Variants in SRRM2 observed in about 807,000 individuals in gnomAD.
SRRM2 encodes the protein serine/arginine repetitive matrix protein 2.
Under a neutral mutation model 213.8 loss-of-function variants are expected in SRRM2, and 30 were observed. The ratio of observed to expected loss-of-function variants is 0.14; its 90% CI spans 0.10 to 0.19. The LOEUF (loss-of-function observed/expected upper bound fraction) is 0.19. Among genes scored for constraint, SRRM2 ranks in the 10% least tolerant of loss-of-function variants. The pLI is 1.00. For synonymous variants in SRRM2, 2,025 were observed against 1,377.7 expected, an observed-to-expected ratio of 1.47 and a Z score of -10.40; for missense variants, 4,904 against 3,647.0, an observed-to-expected ratio of 1.34 and a Z score of -8.88.
rs1180883559 is a variant in SRRM2 at position 2,767,059 on chromosome 16, T to G, written c.6531T>G (p.Ala2177=). 4 of 1,614,122 alleles carry G rather than the reference T, an allele frequency of 2.5e-6. No homozygotes were observed. The highest frequency in any genetic ancestry group is 3.4e-6 in the Non-Finnish European group (4 of 1,180,020). The change falls in exon 11 of 15, where the codon GCT becomes GCG. Residue 2177 remains alanine (A), a synonymous_variant. Transcript: ENST00000301740. ...GAACATCTGTGCCAGAAAATCATGCTCAGTCCAGGATTGCACTTGCCCTGA... is the reference window on the plus strand; with the variant it reads ...GAACATCTGTGCCAGAAAATCATGCGCAGTCCAGGATTGCACTTGCCCTGA... The part of the protein sequence containing the change: ...HQRTSVPENH[A]QSRIALALTA...
rs763924829 is a variant in SRRM2, at chr16:2,767,081, C to T, written c.6553C>T (p.Leu2185=). The change falls in exon 11 of 15, where the codon CTG becomes TTG. Residue 2185 remains leucine (L), a synonymous_variant. Transcript: ENST00000301740. Reference sequence around the variant, plus strand: ...TGCTCAGTCCAGGATTGCACTTGCCCTGACAGCTATCAGTCTTGGCACCGC... The same window carrying T: ...TGCTCAGTCCAGGATTGCACTTGCCTTGACAGCTATCAGTCTTGGCACCGC... ...NHAQSRIALA[L]TAISLGTARP... is the part of the protein sequence containing the mutation. 2.2e-5 allele frequency: 36 copies of T among 1,614,094 alleles called. No homozygotes were observed. The highest frequency in any genetic ancestry group is 6.7e-5 in the East Asian group (3 of 44,900).
chr16:2,760,318 C>G lies in SRRM2; in HGVS notation c.851C>G (p.Ala284Gly). ...TCCTGCAGGTCTCGAAGTGCTGCAG[C>G]TAAAACTCATACAACTGCCTTGGCT... Reference protein sequence around the residue: ...TSRSRSRSAAAKTHTTALAGR... With the variant: ...TSRSRSRSAAGKTHTTALAGR... Residue 284 changes from alanine (A) to glycine (G), a missense_variant, in exon 10 of 15, where the codon GCT (alanine) becomes GGT (glycine). By Grantham distance (60) the Ala-to-Gly change is moderately conservative (BLOSUM62 0). Coordinates refer to ENST00000301740, the MANE Select transcript of SRRM2 (RefSeq NM_016333.4). 1 of 1,613,716 alleles carries G rather than the reference C, an allele frequency of 6.2e-7. No homozygotes were observed. Among genetic ancestry groups the G allele is most frequent in the South Asian group, 1.1e-5 (1 of 91,050 alleles).
In SRRM2 at chr16:2,757,861, C is replaced by A; in HGVS notation, c.431C>A (p.Ser144Tyr). Residue 144 changes from serine (S) to tyrosine (Y), a missense_variant, in exon 4 of 15, where the codon TCT (serine) becomes TAT (tyrosine). Physicochemically the swap from Ser to Tyr is moderately radical, Grantham distance 144. Transcript: ENST00000301740. ...RLRAAFGISD[S>Y]YVDGSSFDPQ... ...CGTGCTGCCTTTGGCATCAGTGATTCTTACGTAGATGGCAGCTCTTTTGAT... is the reference window on the plus strand; with the variant it reads ...CGTGCTGCCTTTGGCATCAGTGATTATTACGTAGATGGCAGCTCTTTTGAT... The A allele has an allele frequency of 6.2e-7, 1 of 1,614,136 alleles. No homozygotes were observed. Among genetic ancestry groups the A allele is most frequent in the Non-Finnish European group, 8.5e-7 (1 of 1,180,014 alleles).
At position 2,752,736 on chromosome 16, in the gene SRRM2, C is replaced by T. The variant is rs370009142; in HGVS notation, c.-142C>T. Reference sequence around the variant, plus strand: ...GAGGAGGCGTCGGCGTCGGCTGAGGCGGGCGGACCGGCGAGGCGAGGCGGC... The same window carrying T: ...GAGGAGGCGTCGGCGTCGGCTGAGGTGGGCGGACCGGCGAGGCGAGGCGGC... On this transcript the variant is annotated 5_prime_UTR_variant, in exon 1 of 15. Transcript: ENST00000301740. 8.6e-6 allele frequency: 3 copies of T among 349,574 alleles called. No individual in the cohort carries two copies. The highest frequency in any genetic ancestry group is 1.7e-5 in the Non-Finnish European group (3 of 175,764). The allele number at this position is 349,574 out of a possible 1,614,324, so 21.7% of individuals were successfully genotyped here. A position where few individuals can be genotyped will look rare whatever the true frequency, so the allele number is the denominator to read the frequency against.
chr16:2,770,239 G>A, intron 12 of SRRM2, 113 bp from the exon 13 acceptor site: 1 of 1,461,498 alleles, frequency 6.8e-7, no homozygotes, highest in Non-Finnish European at 9.1e-7. Context: ...TGGGTCTGAG[G>A]CTGGCCCTGT....
intron 10 of SRRM2, 41 bp downstream of exon 10, chr16:2,760,540 T>C: frequency 6.2e-7 from 1 of 1,604,390 alleles, no homozygotes; most frequent in Non-Finnish European, 8.5e-7. Flanking sequence ...ATTGCAAATG[T>C]ATAGATTTAG....
At position 2,765,267 on chromosome 16, in the gene SRRM2, G is replaced by A. The variant is rs952313565; in HGVS notation, c.4739G>A (p.Gly1580Glu). 6.2e-7 allele frequency: 1 copy of A among 1,614,034 alleles called. No individual in the cohort carries two copies. The highest frequency in any genetic ancestry group is 8.5e-7 in the Non-Finnish European group (1 of 1,179,908). Residue 1580 changes from glycine (G) to glutamate (E), a missense_variant, in exon 11 of 15, where the codon GGA becomes GAA. By Grantham distance (98) the Gly-to-Glu change is moderately conservative (BLOSUM62 -2). Coordinates refer to ENST00000301740, the MANE Select transcript of SRRM2 (RefSeq NM_016333.4). Reference protein sequence around the residue: ...RTPLRQRSRSGSSPEVDSKSR... With the variant: ...RTPLRQRSRSESSPEVDSKSR... ...CCACTTCGGCAGAGGAGTCGGTCTGGATCATCTCCAGAGGTTGACAGCAAA... is the reference window on the plus strand; with the variant it reads ...CCACTTCGGCAGAGGAGTCGGTCTGAATCATCTCCAGAGGTTGACAGCAAA...
Position 2,769,102 on chromosome 16 carries a change from CTCCTCCTCTTCATCT to C in SRRM2, c.7848_7862del (p.Ser2644_Ser2648del), listed in dbSNP as rs773975088. On this transcript the variant is annotated inframe_deletion, in exon 12 of 15. Coordinates refer to ENST00000301740, the MANE Select transcript of SRRM2 (RefSeq NM_016333.4). Reference sequence around the variant, plus strand: ...GGCGCTCTAGCAGTTCCAGTTCCAGCTCCTCCTCTTCATCTTCCTCCTCCTCCTCCTCCTCCTCTT... The same window carrying C: ...GGCGCTCTAGCAGTTCCAGTTCCAGCTCCTCCTCCTCCTCCTCCTCCTCTT... 6.2e-7 allele frequency: 1 copy of C among 1,613,870 alleles called. No individual in the cohort carries two copies. Among genetic ancestry groups the C allele is most frequent in the South Asian group, 1.1e-5 (1 of 91,072 alleles).
At chr16:2,769,394 C>A in intron 12 of SRRM2, 110 bp downstream of exon 12, 8 of 1,303,470 alleles carry the variant, frequency 6.1e-6, no homozygotes, top group Non-Finnish European at 6.3e-6. Flanking sequence ...CCTTGGGCAT[C>A]TGGTTGTGGG....
At position 2,765,779 on chromosome 16, in the gene SRRM2, C is replaced by T; in HGVS notation, c.5251C>T (p.Pro1751Ser). Reference sequence around the variant, plus strand: ...ACGCCGACGGCGCTCAGCTTCATCTCCACGCACTAAGACAACCTCAAGGAG... The same window carrying T: ...ACGCCGACGGCGCTCAGCTTCATCTTCACGCACTAAGACAACCTCAAGGAG... ...SSRRRRSASS[P>S]RTKTTSRRGR... Residue 1751 changes from proline to serine, a missense_variant, in exon 11 of 15, where the codon CCA becomes TCA. Pro to Ser is a moderately conservative substitution (Grantham distance 74). Transcript: ENST00000301740. 5 of 1,614,146 alleles carry T rather than the reference C, an allele frequency of 3.1e-6. No homozygotes were observed. Among genetic ancestry groups the T allele is most frequent in the Non-Finnish European group, 4.2e-6 (5 of 1,180,038 alleles).
Position 2,764,671 on chromosome 16 carries a change from C to T in SRRM2, c.4143C>T (p.His1381=), listed in dbSNP as rs542145467. ...MKEQSTRSSG[H]SSSELSPDAV... ...AACAATCGACAAGATCCTCTGGACA[C>T]AGCAGTTCTGAGTTATCCCCAGATG... is the stretch of plus-strand genomic sequence containing the variant. Residue 1381 remains histidine, a synonymous_variant, in exon 11 of 15, where the codon CAC becomes CAT. Transcript: ENST00000301740. The T allele has an allele frequency of 3.7e-6, 6 of 1,614,130 alleles. No homozygotes were observed. In the African/African-American group the frequency reaches 4.0e-5, roughly 11 times the overall value.
rs765812016 is a variant in SRRM2, at chr16:2,765,414, C to G, written c.4886C>G (p.Pro1629Arg). The change falls in exon 11 of 15, where the codon CCT becomes CGT. Residue 1629 changes from proline to arginine, a missense_variant. Pro to Arg is a moderately radical substitution (Grantham distance 103, BLOSUM62 -2). Coordinates refer to ENST00000301740, the MANE Select transcript of SRRM2 (RefSeq NM_016333.4). ...DSSPEPKAPA[P>R]RALPRRSRSG... is the part of the protein sequence containing the mutation. ...TCTCCTGAACCTAAAGCTCCAGCCCCTCGGGCCCTTCCCAGACGAAGCAGA... is the reference window on the plus strand; with the variant it reads ...TCTCCTGAACCTAAAGCTCCAGCCCGTCGGGCCCTTCCCAGACGAAGCAGA... The G allele has an allele frequency of 6.2e-7, 1 of 1,614,044 alleles. No individual in the cohort carries two copies. Among genetic ancestry groups the G allele is most frequent in the Non-Finnish European group, 8.5e-7 (1 of 1,180,044 alleles).
At position 2,768,216 on chromosome 16, in the gene SRRM2, C is replaced by T. The variant is rs778764270; in HGVS notation, c.7688C>T (p.Ser2563Leu). 2.5e-6 allele frequency: 4 copies of T among 1,597,514 alleles called. No homozygotes were observed. In the East Asian group the frequency reaches 6.7e-5, roughly 27 times the overall value. The change falls in exon 11 of 15, where the codon TCA (serine) becomes TTA (leucine). Residue 2563 changes from serine (S) to leucine (L), a missense_variant. Physicochemically the swap from Ser to Leu is moderately radical, Grantham distance 145. Coordinates refer to ENST00000301740, the MANE Select transcript of SRRM2 (RefSeq NM_016333.4). The stretch of plus-strand genomic sequence containing the variant: ...TCCTCTGGCTCCAGTTCTAGTGACT[C>T]AGAGGGCTCTAGCCTTCCTGTGCAA... Reference protein sequence around the residue: ...SSSSGSSSSDSEGSSLPVQPE... With the variant: ...SSSSGSSSSDLEGSSLPVQPE...
rs1337098067 is a variant in SRRM2, at chr16:2,769,217, G to C, written c.7954G>C (p.Ala2652Pro). The C allele has an allele frequency of 1.3e-6, 2 of 1,598,272 alleles. No homozygotes were observed. Among genetic ancestry groups the C allele is most frequent in the African/African-American group, 2.7e-5 (2 of 74,458 alleles). Reference sequence around the variant, plus strand: ...CTCGTCGTCTTCCTCCCCTTCCCCTGCTAAGCCTGGCCCTCAGGCCTTGCC... The same window carrying C: ...CTCGTCGTCTTCCTCCCCTTCCCCTCCTAAGCCTGGCCCTCAGGCCTTGCC... ...SSSSSSSPSP[A>P]KPGPQALPKP... The change falls in exon 12 of 15, where the codon GCT becomes CCT. Residue 2652 changes from alanine to proline, a missense_variant. By Grantham distance (27) the Ala-to-Pro change is conservative. Coordinates refer to ENST00000301740, the MANE Select transcript of SRRM2 (RefSeq NM_016333.4).
rs796238811 is a variant in SRRM2 at position 2,771,076 on chromosome 16, TG to T, written c.*215del. On this transcript the variant is annotated 3_prime_UTR_variant, in exon 15 of 15. Coordinates refer to ENST00000301740, the MANE Select transcript of SRRM2 (RefSeq NM_016333.4). ...TGAGTTCTTCCTGGTTCATGTGTTC[TG>T]GGGGGTTTGGGGTGGGAGGGAATGC... is the stretch of plus-strand genomic sequence containing the variant. The T allele has an allele frequency of 5.3e-5, 11 of 206,096 alleles. No homozygotes were observed. The highest frequency in any genetic ancestry group is 4.0e-4 in the South Asian group (11 of 27,814). 12.8% of individuals were successfully genotyped at this position (206,096 alleles called of 1,614,324 possible).
chr16:2,768,142 G>A lies in SRRM2; in HGVS notation c.7614G>A (p.Ser2538=), dbSNP rs138683055. The change falls in exon 11 of 15, where the codon TCG becomes TCA. Residue 2538 remains serine, a synonymous_variant. Coordinates refer to ENST00000301740, the MANE Select transcript of SRRM2 (RefSeq NM_016333.4). ...GGCGGAGTTCCTCCTCGTCGTCGTC[G>A]TCCTCTAGCTCCTCCTCTTCTTCAT... ...KERRSSSSSS[S]SSSSSSSSSS... 292 of 1,613,462 alleles carry A rather than the reference G, an allele frequency of 1.8e-4. 2 individuals are homozygous for A. In the South Asian group the frequency reaches 2.6e-3, roughly 14 times the overall value.
In SRRM2 at chr16:2,766,547, C is replaced by G. The variant is rs555127784; in HGVS notation, c.6019C>G (p.Arg2007Gly). ...ATCTCCAGTAACTCGAAGAAGGTCCCGCTCTCGAACCTCACCAGTGACACG... is the reference window on the plus strand; with the variant it reads ...ATCTCCAGTAACTCGAAGAAGGTCCGGCTCTCGAACCTCACCAGTGACACG... The part of the protein sequence containing the change: ...RTSPVTRRRS[R>G]SRTSPVTRRR... Residue 2007 changes from arginine (R) to glycine (G), a missense_variant, in exon 11 of 15, where the codon CGC (arginine) becomes GGC (glycine). Physicochemically the swap from Arg to Gly is moderately radical, Grantham distance 125. Coordinates refer to ENST00000301740, the MANE Select transcript of SRRM2 (RefSeq NM_016333.4). The surrounding 1 kb of genome is among the most constrained non-coding windows in gnomAD (Gnocchi z 7.0). The G allele has an allele frequency of 1.9e-6, 3 of 1,613,542 alleles. No homozygotes were observed.
In SRRM2 at chr16:2,756,346, C is replaced by G. The variant is rs192896846; in HGVS notation, c.-19C>G. 6.3e-7 allele frequency: 1 copy of G among 1,584,066 alleles called. No homozygotes were observed. Among genetic ancestry groups the G allele is most frequent in the Non-Finnish European group, 8.6e-7 (1 of 1,168,920 alleles). On this transcript the variant is annotated 5_prime_UTR_variant, in exon 2 of 15. Coordinates refer to ENST00000301740, the MANE Select transcript of SRRM2 (RefSeq NM_016333.4). ...CGCTCCCCCTCAGGAGCGGTGGTGCCCCCCCCGGGCACGGGGCCATGTACA... is the reference window on the plus strand; with the variant it reads ...CGCTCCCCCTCAGGAGCGGTGGTGCGCCCCCCGGGCACGGGGCCATGTACA...
At position 2,771,100 on chromosome 16, in the gene SRRM2, TGCAGATGGGAGTTG is replaced by T. The variant is rs2068732676; in HGVS notation, c.*235_*248del. 2.3e-6 allele frequency: 1 copy of T among 435,412 alleles called. No individual in the cohort carries two copies. Among genetic ancestry groups the T allele is most frequent in the Admixed American group, 3.7e-5 (1 of 26,980 alleles). 27.0% of individuals were successfully genotyped at this position (435,412 alleles called of 1,614,324 possible). The stretch of plus-strand genomic sequence containing the variant: ...CTGGGGGGTTTGGGGTGGGAGGGAA[TGCAGATGGGAGTTG>T]GGGGAGGGGAGGATACAGTTCAGGA... On this transcript the variant is annotated 3_prime_UTR_variant, in exon 15 of 15. Coordinates refer to ENST00000301740, the MANE Select transcript of SRRM2 (RefSeq NM_016333.4).
Sources: gnomAD v4.1 joint callset for allele counts on GRCh38, gnomAD v4.1.1 for gene constraint, Gnocchi (gnomAD v3.1) non-coding constraint, MANE v1.5 for transcripts, NCBI Gene and HGNC (gene_info 2026-07-23, HGNC 2026-07-21) for gene names.